Variants in BLTP1 observed in about 807,000 individuals in gnomAD.
BLTP1 encodes bridge-like lipid transfer protein family member 1, also known as fragile site-associated protein.
the BLTP1 span, among the ~76,000 whole-genome samples, chr4:122,167,077 G>A: frequency 6.6e-6 from 1 of 152,124 alleles, no homozygotes; most frequent in African/African-American, 2.4e-5. Flanking sequence ...GTAGAAAATA[G>A]CTTTTAGAAG....
the BLTP1 span, chr4:122,226,615 A>C: frequency 6.4e-7 from 1 of 1,555,712 alleles, no homozygotes; most frequent in Non-Finnish European, 8.6e-7. Context: ...GGGTTCTTTC[A>C]AGCTACGTTA....
the BLTP1 span, among the ~76,000 whole-genome samples, chr4:122,159,073 T>C: frequency 6.6e-6 from 1 of 152,252 alleles, no homozygotes; most frequent in Non-Finnish European, 1.5e-5. Context: ...TGCTCACTAG[T>C]ACTTGTGGAA....
the BLTP1 span, among the ~76,000 whole-genome samples, chr4:122,337,840 T>C: frequency 1.3e-5 from 2 of 148,454 alleles, no homozygotes; most frequent in African/African-American, 2.4e-5. Context: ...ATATATACTA[T>C]ACCAAATATA....
the BLTP1 span, among the ~76,000 whole-genome samples, chr4:122,216,987 C>T: frequency 2.0e-5 from 3 of 152,208 alleles, no homozygotes; most frequent in East Asian, 5.8e-4. Flanking sequence ...TGTGGCTTGC[C>T]AGTTATCCCA....
the BLTP1 span, chr4:122,208,463 C>G: frequency 1.0e-6 from 1 of 977,430 alleles, no homozygotes; most frequent in Admixed American, 6.2e-5. Flanking sequence ...TTTGCCAGTT[C>G]TGAATTATTA....
the BLTP1 span, chr4:122,316,915 A>G: frequency 2.4e-6 from 3 of 1,242,176 alleles, no homozygotes; most frequent in South Asian, 4.5e-5. Context: ...TTAGAATCAT[A>G]AGATGTTAAA....
the BLTP1 span, among the ~76,000 whole-genome samples, chr4:122,191,628 G>T: frequency 1.3e-5 from 2 of 152,110 alleles, no homozygotes; most frequent in East Asian, 3.8e-4. Flanking sequence ...TAGTGATATG[G>T]CTTCAGATTC....
the BLTP1 span, among the ~76,000 whole-genome samples, chr4:122,177,093 CA>C: frequency 1.1e-4 from 17 of 152,300 alleles, no homozygotes; most frequent in Non-Finnish European, 1.6e-4. Flanking sequence ...TCAGCGTCTC[CA>C]ATTTTATGTG....
the BLTP1 span, chr4:122,325,308 T>C: frequency 6.2e-7 from 1 of 1,608,126 alleles, no homozygotes; most frequent in African/African-American, 1.3e-5. Context: ...TAACTTTTAA[T>C]ATCCAGGATA....
the BLTP1 span, chr4:122,281,973 A>G: frequency 8.1e-6 from 8 of 984,722 alleles, no homozygotes; most frequent in African/African-American, 1.4e-4. Flanking sequence ...GACCAGAATG[A>G]ACTCTTTTGA....
At chr4:122,336,555 C>A in the BLTP1 span, 1 of 752,460 alleles carries the variant, frequency 1.3e-6, no homozygotes, top group Non-Finnish European at 1.6e-6. Context: ...GGTTACATAA[C>A]TTTCCCATGG....
At chr4:122,337,219 G>A in the BLTP1 span, 1 of 552,094 alleles carries the variant, frequency 1.8e-6, no homozygotes, top group Non-Finnish European at 3.2e-6. Flanking sequence ...AGATGCTCAA[G>A]TTATGATGCT....
chr4:122,170,305 C>CAAAAAAAAAAAAAAAAAAA, the BLTP1 span: 1 of 670,146 alleles, frequency 1.5e-6, no homozygotes, highest in African/African-American at 3.1e-5. Flanking sequence ...AACTCCTTCT[C>CAAAAAAAAAAAAAAAAAAA]AAAAAAAAAA....
chr4:122,314,164 T>C, the BLTP1 span: 1 of 984,062 alleles, frequency 1.0e-6, no homozygotes, highest in Non-Finnish European at 1.2e-6. Context: ...TAAATCTTTC[T>C]TAAGCAAAAA....
At chr4:122,209,462 T>C in the BLTP1 span, 2 of 923,014 alleles carry the variant, frequency 2.2e-6, no homozygotes, top group Non-Finnish European at 1.6e-6. Flanking sequence ...CTGGCCAACA[T>C]GGTGAAACCT....
At chr4:122,181,323 C>G in the BLTP1 span, 1 of 519,790 alleles carries the variant, frequency 1.9e-6, no homozygotes. Flanking sequence ...GAACACTCCT[C>G]TTTTTTCCTG....
At chr4:122,185,414 G>A in the BLTP1 span, 1 of 985,380 alleles carries the variant, frequency 1.0e-6, no homozygotes. Flanking sequence ...TGGTTGACAT[G>A]TGATGCATTG....
chr4:122,219,415 A>G, the BLTP1 span: 22 of 1,614,040 alleles, frequency 1.4e-5, no homozygotes, highest in Admixed American at 2.5e-4. Flanking sequence ...GTCACTGTCA[A>G]CATCATCCAG....
chr4:122,345,718 G>A, the BLTP1 span, among the ~76,000 whole-genome samples: 1 of 151,952 alleles, frequency 6.6e-6, no homozygotes, highest in Non-Finnish European at 1.5e-5. Flanking sequence ...AGAGAGTTGA[G>A]GGTAGCCTGA....
Sources: allele counts gnomAD v4.1 joint callset (sites outside exome capture counted in the v4.1 genomes callset), GRCh38; gene constraint gnomAD v4.1.1; transcripts MANE v1.5; gene names NCBI Gene and HGNC (gene_info 2026-07-23, HGNC 2026-07-21).